NCALD: variants seen among roughly 807,000 people sequenced by gnomAD.
The protein encoded by NCALD is neurocalcin delta.
A neutral mutation model predicts 18.6 loss-of-function variants in NCALD; 10 were observed. That is an observed-to-expected ratio of 0.54 (90% CI 0.33 to 0.91). The LOEUF is 0.91. Among genes scored for constraint, NCALD ranks in the 40% least tolerant of loss-of-function variants. The pLI is 0.03. For synonymous variants in NCALD, 88 were observed against 87.4 expected (o/e 1.01, Z -0.04); for missense variants, 184 against 247.6 (o/e 0.74, Z 1.72).
intron 1 of NCALD, among the ~76,000 whole-genome samples, chr8:102,045,398 C>T (rs745394071): frequency 2.0e-5 from 3 of 152,102 alleles, no homozygotes; most frequent in Non-Finnish European, 2.9e-5. Flanking sequence ...CCTACCATAC[C>T]GGGTGCTTAT....
chr8:101,752,677 C>T (rs768389553), intron 1 of NCALD, among the ~76,000 whole-genome samples: 6 of 152,130 alleles, frequency 3.9e-5, no homozygotes, highest in Admixed American at 2.0e-4. Context: ...CCAATGCTAA[C>T]GGACCATAAG....
chr8:102,037,363 T>C (rs1336148665), intron 1 of NCALD, among the ~76,000 whole-genome samples: 1 of 151,520 alleles, frequency 6.6e-6, no homozygotes, highest in Non-Finnish European at 1.5e-5. Context: ...CCAGATTCCA[T>C]GCTCTTAACC....
intron 4 of NCALD, among the ~76,000 whole-genome samples, chr8:101,854,139 G>C (rs778433027): frequency 3.9e-5 from 6 of 152,312 alleles, no homozygotes; most frequent in South Asian, 2.1e-4. Context: ...TACTCAGAAA[G>C]GAGAGAGTAT....
intron 1 of NCALD, among the ~76,000 whole-genome samples, chr8:102,096,414 C>T (rs887959286): frequency 1.3e-5 from 2 of 152,072 alleles, no homozygotes; most frequent in Admixed American, 1.3e-4. Flanking sequence ...AGGCAGGGAA[C>T]CTAAGACCAT....
chr8:101,949,471 A>T (rs1819303576), intron 2 of NCALD, among the ~76,000 whole-genome samples: 1 of 152,158 alleles, frequency 6.6e-6, no homozygotes, highest in African/African-American at 2.4e-5. Context: ...CTATGCTAGC[A>T]GTACATATCT....
intron 4 of NCALD, among the ~76,000 whole-genome samples, chr8:101,849,616 C>G (rs1441895913): frequency 6.6e-6 from 1 of 152,100 alleles, no homozygotes; most frequent in South Asian, 2.1e-4. Context: ...TTAACACAGC[C>G]AGATGATGGT....
At chr8:101,880,701 G>C (rs1274630873) in intron 4 of NCALD, among the ~76,000 whole-genome samples, 1 of 152,228 alleles carries the variant, frequency 6.6e-6, no homozygotes, top group Non-Finnish European at 1.5e-5. Context: ...AAAAAAGAAA[G>C]TTTAATTCCA....
At chr8:102,115,113 A>G (rs1825745371) in intron 1 of NCALD, among the ~76,000 whole-genome samples, 1 of 152,152 alleles carries the variant, frequency 6.6e-6, no homozygotes, top group African/African-American at 2.4e-5. Flanking sequence ...CCACACTTTC[A>G]TTTTGTTGTG....
At chr8:101,970,141 T>G (rs1820185502) in intron 2 of NCALD, among the ~76,000 whole-genome samples, 1 of 152,218 alleles carries the variant, frequency 6.6e-6, no homozygotes, top group African/African-American at 2.4e-5. Context: ...GTAACTTAGC[T>G]ATCACAGATC....
intron 1 of NCALD, among the ~76,000 whole-genome samples, chr8:102,056,631 G>A (rs895012540): frequency 2.3e-4 from 35 of 152,236 alleles, no homozygotes; most frequent in African/African-American, 8.2e-4. Flanking sequence ...TTCCTGAGCT[G>A]AGAGAAATCA....
intron 1 of NCALD, among the ~76,000 whole-genome samples, chr8:102,076,270 T>C (rs1284074578): frequency 1.3e-5 from 2 of 152,180 alleles, no homozygotes; most frequent in Non-Finnish European, 2.9e-5. Context: ...GTTTGTAAAA[T>C]AGTCTGCTAA....
At chr8:101,985,294 C>T (rs1223877265) in intron 2 of NCALD, among the ~76,000 whole-genome samples, 1 of 152,158 alleles carries the variant, frequency 6.6e-6, no homozygotes, top group Non-Finnish European at 1.5e-5. Flanking sequence ...CCCCCAGCCT[C>T]CACTCGACCC....
At chr8:101,959,324 G>A (rs1207078550) in intron 2 of NCALD, among the ~76,000 whole-genome samples, 4 of 151,982 alleles carry the variant, frequency 2.6e-5, no homozygotes, top group African/African-American at 9.7e-5. Flanking sequence ...GTGATGCTGT[G>A]TCCTTCTATC....
chr8:101,686,925 G>A lies in NCALD; in HGVS notation c.*2384C>T, dbSNP rs528099894. 1 of 152,672 alleles carries A rather than the reference G, an allele frequency of 6.5e-6. No individual in the cohort carries two copies. Among genetic ancestry groups the A allele is most frequent in the South Asian group, 2.1e-4 (1 of 4,814 alleles). The allele number at this position is 152,672 out of a possible 1,614,324, so 9.5% of individuals were successfully genotyped here. ...GCTGTGGAGTCCCTTGGCCAAACTT[G>A]AGTGCACTGGATTCGACATACAAAG... On this transcript the variant is annotated 3_prime_UTR_variant, in exon 4 of 4. Coordinates refer to ENST00000220931, the MANE Select transcript of NCALD (RefSeq NM_032041.3).
At chr8:101,878,636 AAGG>A in intron 4 of NCALD, among the ~76,000 whole-genome samples, 1 of 152,382 alleles carries the variant, frequency 6.6e-6, no homozygotes, top group South Asian at 2.1e-4. Flanking sequence ...CTTTACTTAT[AAGG>A]AGGTCATACC....
intron 1 of NCALD, among the ~76,000 whole-genome samples, chr8:101,763,461 A>G (rs1253502765): frequency 6.6e-6 from 1 of 152,188 alleles, no homozygotes; most frequent in African/African-American, 2.4e-5. Flanking sequence ...GGAAAGGTAC[A>G]GAGTCACATT....
At chr8:102,087,354 AGAACCCCACACCCCCCAACCCAAAG>A (rs1469553677) in intron 1 of NCALD, among the ~76,000 whole-genome samples, 23 of 152,092 alleles carry the variant, frequency 1.5e-4, no homozygotes, top group Admixed American at 1.4e-3. Flanking sequence ...ATGATACTGA[AGAACCCCACACCCCCCAACCCAAAG>A]GAAATAGACT....
chr8:102,104,562 A>G (rs995488208), intron 1 of NCALD, among the ~76,000 whole-genome samples: 8 of 152,166 alleles, frequency 5.3e-5, no homozygotes, highest in Non-Finnish European at 1.0e-4. Flanking sequence ...AGGTCTTTAA[A>G]TTTGTCACAT....
At chr8:102,052,286 G>C (rs1372078905) in intron 1 of NCALD, among the ~76,000 whole-genome samples, 1 of 152,128 alleles carries the variant, frequency 6.6e-6, no homozygotes, top group African/African-American at 2.4e-5. Context: ...TACATCCTAA[G>C]AGCATGGAAA....
Sources: gnomAD v4.1 joint callset for allele counts (sites outside exome capture counted in the v4.1 genomes callset) on GRCh38, gnomAD v4.1.1 for gene constraint, MANE v1.5 for transcripts, NCBI Gene and HGNC (gene_info 2026-07-23, HGNC 2026-07-21) for gene names.